Variants in GALNT18 observed in about 807,000 individuals in gnomAD.
GALNT18 encodes polypeptide N-acetylgalactosaminyltransferase 18.
A neutral mutation model predicts 69.5 loss-of-function variants in GALNT18; 44 were observed. That is an observed-to-expected ratio of 0.63 (90% CI 0.50 to 0.81). GALNT18 has a LOEUF of 0.81. GALNT18 is among the 40% of genes least tolerant of loss of function. GALNT18 has a pLI of 0.00. For missense variants in GALNT18, 715 were observed against 810.0 expected, an observed-to-expected ratio of 0.88 and a Z score of 1.42; for synonymous variants, 364 against 318.2, an observed-to-expected ratio of 1.14 and a Z score of -1.53.
intron 1 of GALNT18, among the ~76,000 whole-genome samples, chr11:11,479,345 G>A (rs1192926610): frequency 6.6e-6 from 1 of 152,138 alleles, no homozygotes; most frequent in African/African-American, 2.4e-5. Flanking sequence ...AGGAAGAGGA[G>A]GTATGTGTTT....
At chr11:11,301,475 T>A (rs1334635445) in intron 9 of GALNT18, among the ~76,000 whole-genome samples, 5 of 152,110 alleles carry the variant, frequency 3.3e-5, no homozygotes, top group African/African-American at 7.2e-5. Flanking sequence ...GGAGAGTCAT[T>A]TCCAGAATGA....
intron 1 of GALNT18, among the ~76,000 whole-genome samples, chr11:11,572,549 G>A (rs534801463): frequency 7.2e-5 from 11 of 152,256 alleles, no homozygotes; most frequent in Admixed American, 2.0e-4. Flanking sequence ...CGCTACAGTC[G>A]CTCCTGGCCA....
At position 11,330,266 on chromosome 11, in the gene GALNT18, A is replaced by G. The variant is rs1055152949; in HGVS notation, c.1416+2428T>C. On this transcript the variant is annotated intron_variant, in intron 8 of 10. Transcript: ENST00000227756. The stretch of plus-strand genomic sequence containing the variant: ...ACAATGTCATTTGGGCATGAGTTGG[A>G]ACAGAAAAAGGAAAAAGAAATTATG... 3.9e-5 allele frequency among the ~76,000 whole-genome samples: 6 copies of G among 152,160 alleles called. No homozygotes were observed. The South Asian group carries it at 1.2e-3, about 32-fold the overall frequency.
intron 1 of GALNT18, among the ~76,000 whole-genome samples, chr11:11,504,030 T>C (rs557458020): frequency 2.0e-4 from 31 of 152,376 alleles, no homozygotes; most frequent in African/African-American, 7.5e-4. Flanking sequence ...ACTGGGTTCT[T>C]CTCTCTCTTG....
chr11:11,490,173 C>T (rs543543661), intron 1 of GALNT18, among the ~76,000 whole-genome samples: 124 of 150,566 alleles, frequency 8.2e-4, no homozygotes, highest in African/African-American at 2.9e-3. Flanking sequence ...TATAAAAGGG[C>T]AAGTTTGGCC....
chr11:11,607,644 T>C (rs1158250090), intron 1 of GALNT18, among the ~76,000 whole-genome samples: 1 of 152,226 alleles, frequency 6.6e-6, no homozygotes, highest in African/African-American at 2.4e-5. Flanking sequence ...AAATCACACC[T>C]TCCTGCCTGC....
intron 10 of GALNT18, among the ~76,000 whole-genome samples, chr11:11,292,378 G>A (rs1044315725): frequency 6.6e-6 from 1 of 152,110 alleles, no homozygotes; most frequent in African/African-American, 2.4e-5. Flanking sequence ...AGCTACTAGG[G>A]GCCAGTGAAG....
At chr11:11,370,772 A>T (rs551738100) in intron 6 of GALNT18, among the ~76,000 whole-genome samples, 3 of 152,220 alleles carry the variant, frequency 2.0e-5, no homozygotes, top group Admixed American at 2.0e-4. Context: ...ACTCACACAC[A>T]TGCTGGAAGC....
intron 3 of GALNT18, among the ~76,000 whole-genome samples, chr11:11,424,477 G>A (rs1325884209): frequency 6.6e-6 from 1 of 152,170 alleles, no homozygotes; most frequent in Non-Finnish European, 1.5e-5. Context: ...TCTATGAAGT[G>A]GAGATGGTGA....
At chr11:11,317,114 A>C (rs1207777393) in intron 9 of GALNT18, among the ~76,000 whole-genome samples, 1 of 138,488 alleles carries the variant, frequency 7.2e-6, no homozygotes, top group African/African-American at 2.6e-5. Context: ...CTGCTAATTT[A>C]AACAAAATGG....
In GALNT18 at chr11:11,581,650, G is replaced by A. The variant is rs146466895; in HGVS notation, c.235+39709C>T. Among the ~76,000 whole-genome samples, 990 of 152,056 alleles carry A rather than the reference G, an allele frequency of 6.5e-3. 14 individuals carry two copies. The highest frequency in any genetic ancestry group is 0.023 in the African/African-American group (934 of 41,478). On this transcript the variant is annotated intron_variant, in intron 1 of 10. Transcript: ENST00000227756. ...TGTTATTAATTCAACAGGGGCTGCC[G>A]AGTGGGCACTTTATCCCGCCTGGCT...
intron 3 of GALNT18, among the ~76,000 whole-genome samples, chr11:11,408,406 G>A (rs1854644573): frequency 6.7e-6 from 1 of 149,184 alleles, no homozygotes; most frequent in South Asian, 2.1e-4. Context: ...ATACCGCCAT[G>A]TGGCCTAGGG....
chr11:11,322,811 G>T (rs1450200277), intron 9 of GALNT18, among the ~76,000 whole-genome samples: 1 of 152,218 alleles, frequency 6.6e-6, no homozygotes, highest in Non-Finnish European at 1.5e-5. Flanking sequence ...TTTTCTCACA[G>T]TTCTGGAGGC....
rs1849817401 is a variant in GALNT18, at chr11:11,320,055, T to G, written c.1512+7031A>C. 6.6e-6 allele frequency among the ~76,000 whole-genome samples: 1 copy of G among 152,174 alleles called. No individual in the cohort carries two copies. The highest frequency in any genetic ancestry group is 1.5e-5 in the Non-Finnish European group (1 of 68,024). ...AGGGACCACCAACCACCAGCCAATT[T>G]CATTACAGGCAATAAAATTGAGGCA... is the stretch of plus-strand genomic sequence containing the variant. On this transcript the variant is annotated intron_variant, in intron 9 of 10. Transcript: ENST00000227756. The surrounding 1 kb of genome is among the most constrained non-coding windows in gnomAD (Gnocchi z 4.9).
intron 2 of GALNT18, among the ~76,000 whole-genome samples, chr11:11,440,296 G>A (rs1422941392): frequency 6.6e-6 from 1 of 152,202 alleles, no homozygotes; most frequent in Non-Finnish European, 1.5e-5. Context: ...GGGAATGTGG[G>A]ATCCCTGGGC....
In GALNT18 at chr11:11,432,156, T is replaced by C. The variant is rs138369514; in HGVS notation, c.595+465A>G. ...TGCTGTCATTGAGTTACGTGTCCAC[T>C]GCCATCCCCATCATCACCACCACTA... On this transcript the variant is annotated intron_variant, in intron 3 of 10. Transcript: ENST00000227756. The surrounding 1 kb of genome is among the most constrained non-coding windows in gnomAD (Gnocchi z 5.8). Among the ~76,000 whole-genome samples, 1 of 152,314 alleles carries C rather than the reference T, an allele frequency of 6.6e-6. No homozygotes were observed. Among genetic ancestry groups the C allele is most frequent in the South Asian group, 2.1e-4 (1 of 4,824 alleles).
In GALNT18 at chr11:11,496,687, A is replaced by G. The variant is rs1856872135; in HGVS notation, c.236-47751T>C. The stretch of plus-strand genomic sequence containing the variant: ...AGGACCTGCAGGGCAAGCTGATGGG[A>G]AACACTGAGCCTCGGTTTCCTTGTG... On this transcript the variant is annotated intron_variant, in intron 1 of 10. Transcript: ENST00000227756. This position sits in a 1 kb window ranked among gnomAD's most constrained non-coding sequence, Gnocchi z 4.0. Among the ~76,000 whole-genome samples the G allele has an allele frequency of 6.6e-6, 1 of 151,196 alleles. No individual in the cohort carries two copies. Among genetic ancestry groups the G allele is most frequent in the Non-Finnish European group, 1.5e-5 (1 of 67,864 alleles).
chr11:11,524,083 A>G (rs1468431714), intron 1 of GALNT18, among the ~76,000 whole-genome samples: 2 of 152,118 alleles, frequency 1.3e-5, no homozygotes, highest in Non-Finnish European at 2.9e-5. Flanking sequence ...ATGTAGCCCA[A>G]GTCATAGACC....
chr11:11,411,449 C>A (rs1172798349), intron 3 of GALNT18, among the ~76,000 whole-genome samples: 5 of 152,222 alleles, frequency 3.3e-5, no homozygotes, highest in African/African-American at 1.2e-4. Context: ...TAGGCTCCCA[C>A]AGAATCTAGT....
Sources: gnomAD v4.1 joint callset for allele counts (sites outside exome capture counted in the v4.1 genomes callset) on GRCh38, gnomAD v4.1.1 for gene constraint, Gnocchi (gnomAD v3.1) non-coding constraint, MANE v1.5 for transcripts, NCBI Gene and HGNC (gene_info 2026-07-23, HGNC 2026-07-21) for gene names.